SLC2A2: variants seen among roughly 807,000 people sequenced by gnomAD.
SLC2A2 encodes the protein solute carrier family 2 member 2, also known as solute carrier family 2, facilitated glucose transporter member 2.
SLC2A2 carries 36 observed loss-of-function variants against 54.5 expected under a neutral mutation model. The observed-to-expected ratio is 0.66, with a 90% CI of 0.51 to 0.87. SLC2A2 has a LOEUF of 0.87. Among genes scored for constraint, SLC2A2 ranks in the 40% least tolerant of loss-of-function variants. The probability of loss-of-function intolerance (pLI) is 0.00; values close to 1 mark genes in which losing one functional copy is unlikely to be tolerated. For synonymous variants in SLC2A2, 223 were observed against 219.1 expected, an observed-to-expected ratio of 1.02 and a Z score of -0.16; for missense variants, 543 against 624.3, an observed-to-expected ratio of 0.87 and a Z score of 1.39.
intron 7 of SLC2A2, among the ~76,000 whole-genome samples, chr3:171,003,679 TATTG>T (rs1226133605): frequency 3.3e-5 from 5 of 152,010 alleles, no homozygotes; most frequent in Non-Finnish European, 7.4e-5. Flanking sequence ...GTCTTTTAGC[TATTG>T]ATTATGAATA....
chr3:171,012,408 C>T (rs890654165), intron 3 of SLC2A2, among the ~76,000 whole-genome samples: 3 of 152,142 alleles, frequency 2.0e-5, no homozygotes, highest in Non-Finnish European at 4.4e-5. Context: ...GGAAAGAATG[C>T]ATGCCTTCAA....
At chr3:171,018,379 A>G (rs554489014) in intron 2 of SLC2A2, 152 bp downstream of exon 2, 42 of 693,516 alleles carry the variant, frequency 6.1e-5, no homozygotes, top group African/African-American at 5.6e-4. Flanking sequence ...AGGCCAAGTT[A>G]TCAGCTTTGG....
chr3:171,002,539 G>T, intron 8 of SLC2A2, 37 bp downstream of exon 8: 2 of 1,326,828 alleles, frequency 1.5e-6, no homozygotes, highest in Non-Finnish European at 1.1e-6. Context: ...TCTGGACTAA[G>T]GAACAAGCAG....
In SLC2A2 at chr3:171,007,148, C is replaced by T; in HGVS notation, c.612G>A (p.Gln204=). The change falls in exon 5 of 11, where the codon CAG becomes CAA. Residue 204 remains glutamine, a splice_region_variant and synonymous_variant. Coordinates refer to ENST00000314251, the MANE Select transcript of SLC2A2 (RefSeq NM_000340.2). ...LAIVTGILIS[Q]IIGLEFILGN... Reference sequence around the variant, plus strand: ...GGGGATAAGGATGGGGAGTTTTTACCTGACTAATAAGAATGCCCGTGACGA... The same window carrying T: ...GGGGATAAGGATGGGGAGTTTTTACTTGACTAATAAGAATGCCCGTGACGA... 1 of 1,595,618 alleles carries T rather than the reference C, an allele frequency of 6.3e-7. No individual in the cohort carries two copies. The highest frequency in any genetic ancestry group is 8.6e-7 in the Non-Finnish European group (1 of 1,163,820).
chr3:171,017,762 A>C (rs1716219282), intron 2 of SLC2A2, among the ~76,000 whole-genome samples: 1 of 152,162 alleles, frequency 6.6e-6, no homozygotes, highest in Admixed American at 6.5e-5. Context: ...TGGTTCCCCG[A>C]CTTATGGGCT....
At chr3:171,015,532 A>T (rs1716109516) in intron 2 of SLC2A2, among the ~76,000 whole-genome samples, 1 of 152,194 alleles carries the variant, frequency 6.6e-6, no homozygotes, top group African/African-American at 2.4e-5. Flanking sequence ...TTACTTCTGC[A>T]CAGCAGGATT....
intron 6 of SLC2A2, 49 bp from the exon 7 acceptor site, chr3:171,005,521 GAA>G: frequency 6.9e-7 from 1 of 1,458,864 alleles, no homozygotes; most frequent in Non-Finnish European, 9.6e-7. Context: ...AAAACAAAAA[GAA>G]ATTTATTTTT....
chr3:171,001,122 G>A (rs1378676950), intron 8 of SLC2A2, among the ~76,000 whole-genome samples: 2 of 151,992 alleles, frequency 1.3e-5, no homozygotes, highest in Non-Finnish European at 2.9e-5. Context: ...CATCAGTGGG[G>A]TTGGGAGCAG....
At chr3:171,008,678 A>C (rs1363329258) in intron 4 of SLC2A2, among the ~76,000 whole-genome samples, 1 of 152,068 alleles carries the variant, frequency 6.6e-6, no homozygotes, top group Non-Finnish European at 1.5e-5. Context: ...GAGAGAAAAG[A>C]AAGAAGAATC....
At chr3:171,018,438 C>T (rs948444558) in intron 2 of SLC2A2, 93 bp downstream of exon 2, 9 of 916,294 alleles carry the variant, frequency 9.8e-6, no homozygotes, top group African/African-American at 9.7e-5. Context: ...GTGTCTCCCA[C>T]GTGGACACCC....
In SLC2A2 at chr3:171,014,593, C is replaced by T. The variant is rs150851401; in HGVS notation, c.247G>A (p.Glu83Lys). 844 of 1,614,176 alleles carry T rather than the reference C, an allele frequency of 5.2e-4. 2 individuals are homozygous for T. Among genetic ancestry groups the T allele is most frequent in the Admixed American group, 1.4e-3 (82 of 60,026 alleles). Residue 83 changes from glutamate to lysine, a missense_variant, in exon 3 of 11, where the codon GAG becomes AAG. This residue lies in a region of SLC2A2 where 318 missense variants were observed against 343.8 expected (regional missense o/e 0.93). Coordinates refer to ENST00000314251, the MANE Select transcript of SLC2A2 (RefSeq NM_000340.2). The stretch of plus-strand genomic sequence containing the variant: ...TGAGCAGCTGCCACAGTCTCTTCCT[C>T]AGCCCAAGGGGTTGGTTTTGGGTTC... ...SMNPKPTPWA[E>K]EETVAAAQLI...
chr3:171,002,208 C>T (rs532556981), intron 8 of SLC2A2, among the ~76,000 whole-genome samples: 2 of 151,938 alleles, frequency 1.3e-5, no homozygotes, highest in Non-Finnish European at 1.5e-5. Flanking sequence ...GTAGACCATC[C>T]AATATCAATA....
At chr3:171,002,028 A>G (rs1715359811) in intron 8 of SLC2A2, among the ~76,000 whole-genome samples, 1 of 152,058 alleles carries the variant, frequency 6.6e-6, no homozygotes, top group African/African-American at 2.4e-5. Context: ...AACCTTGTGA[A>G]CTACTTGGAA....
intron 3 of SLC2A2, among the ~76,000 whole-genome samples, chr3:171,013,323 GTTTA>G (rs2108254787): frequency 6.6e-6 from 1 of 152,134 alleles, no homozygotes; most frequent in South Asian, 2.1e-4. Flanking sequence ...ATGAAATTCA[GTTTA>G]TTAATCCGTA....
intron 3 of SLC2A2, among the ~76,000 whole-genome samples, chr3:171,014,078 T>C (rs1716013842): frequency 6.6e-6 from 1 of 152,206 alleles, no homozygotes. Flanking sequence ...GAAAACTGGA[T>C]GTTTGAGACA....
Position 171,009,951 on chromosome 3 carries a change from G to GTGTGAC in SLC2A2, c.496+6_496+7insGTCACA. ...TGTGTGTGTGTGTGTGTGTGTGTGT[G>GTGTGAC]ACTTACCACAATATAGTCCTGATAT... On this transcript the variant is annotated splice_region_variant and intron_variant, in intron 4 of 10. Coordinates refer to ENST00000314251, the MANE Select transcript of SLC2A2 (RefSeq NM_000340.2). 1.3e-6 allele frequency: 2 copies of GTGTGAC among 1,567,288 alleles called. No individual in the cohort carries two copies. Among genetic ancestry groups the GTGTGAC allele is most frequent in the African/African-American group, 1.4e-5 (1 of 69,858 alleles).
At chr3:171,004,009 A>C (rs1254845254) in intron 7 of SLC2A2, among the ~76,000 whole-genome samples, 1 of 151,952 alleles carries the variant, frequency 6.6e-6, no homozygotes, top group Non-Finnish European at 1.5e-5. Context: ...TTATATATTT[A>C]TGTCTTTTAG....
At chr3:171,018,012 A>C (rs1201266541) in intron 2 of SLC2A2, among the ~76,000 whole-genome samples, 1 of 152,124 alleles carries the variant, frequency 6.6e-6, no homozygotes, top group African/African-American at 2.4e-5. Flanking sequence ...AATCTCTTTT[A>C]GTTTAGGGCT....
rs1398353494 is a variant in SLC2A2 at position 170,998,062 on chromosome 3, C to A, written c.1416G>T (p.Val472=). 11 of 1,613,652 alleles carry A rather than the reference C, an allele frequency of 6.8e-6. No homozygotes were observed. The highest frequency in any genetic ancestry group is 8.5e-6 in the Non-Finnish European group (10 of 1,179,808). The change falls in exon 11 of 11, where the codon GTG becomes GTT. Residue 472 remains valine (V), a synonymous_variant. Coordinates refer to ENST00000314251, the MANE Select transcript of SLC2A2 (RefSeq NM_000340.2). ...ATGTGAACAGGGTAAAGGCCAGGAGCACTCCAGCAAAGAGGAAAAACACAT... is the reference window on the plus strand; with the variant it reads ...ATGTGAACAGGGTAAAGGCCAGGAGAACTCCAGCAAAGAGGAAAAACACAT... The part of the protein sequence containing the change: ...GPYVFFLFAG[V]LLAFTLFTFF...
Sources: gnomAD v4.1 joint callset for allele counts (sites outside exome capture counted in the v4.1 genomes callset) on GRCh38, gnomAD v4.1.1 for gene constraint, gnomAD v4.1.1 regional missense constraint, MANE v1.5 for transcripts, NCBI Gene and HGNC (gene_info 2026-07-23, HGNC 2026-07-21) for gene names.